GLRB: variants seen among roughly 807,000 people sequenced by gnomAD.
The protein encoded by GLRB is glycine receptor beta.
In GLRB, 33 loss-of-function variants were observed where a neutral mutation model predicts 54.2. That is an observed-to-expected ratio of 0.61 (90% CI 0.46 to 0.81). The LOEUF (loss-of-function observed/expected upper bound fraction) is 0.81. Among genes scored for constraint, GLRB ranks in the 40% least tolerant of loss-of-function variants. The pLI is 0.00. For missense variants in GLRB, 572 were observed against 584.6 expected (o/e 0.98, Z 0.22); for synonymous variants, 209 against 208.2 (o/e 1.00, Z -0.03).
At chr4:157,120,343 C>G (rs1204785910) in intron 2 of GLRB, among the ~76,000 whole-genome samples, 3 of 150,200 alleles carry the variant, frequency 2.0e-5, no homozygotes, top group African/African-American at 7.3e-5. Context: ...TGTAACTAAC[C>G]TGCACATTGT....
intron 1 of GLRB, among the ~76,000 whole-genome samples, chr4:157,077,376 CT>C (rs1341651378): frequency 2.6e-5 from 4 of 151,922 alleles, no homozygotes; most frequent in African/African-American, 9.7e-5. Context: ...TAAGAGGCAC[CT>C]TTTTGGGGCA....
chr4:157,081,715 ACTC>A (rs1010023557), intron 2 of GLRB, among the ~76,000 whole-genome samples: 8 of 151,486 alleles, frequency 5.3e-5, no homozygotes, highest in Non-Finnish European at 8.8e-5. Flanking sequence ...CTCTTCATTG[ACTC>A]CTTTTCAGTT....
At chr4:157,080,907 C>T (rs1734197046) in intron 2 of GLRB, among the ~76,000 whole-genome samples, 1 of 151,982 alleles carries the variant, frequency 6.6e-6, no homozygotes, top group South Asian at 2.1e-4. Flanking sequence ...AACATTTCCC[C>T]TCAAGACTGT....
chr4:157,098,714 C>T (rs1734904492), intron 2 of GLRB, among the ~76,000 whole-genome samples: 2 of 151,830 alleles, frequency 1.3e-5, no homozygotes, highest in Admixed American at 1.3e-4. Context: ...CAAGCAATTC[C>T]CCTGCCTCAG....
rs1801154 is a variant in GLRB, at chr4:157,152,761, T to C, written c.948T>C (p.Leu316=). Residue 316 remains leucine, a synonymous_variant, in exon 9 of 10, where the codon CTT becomes CTC. Coordinates refer to ENST00000264428, the MANE Select transcript of GLRB (RefSeq NM_000824.5). Reference sequence around the variant, plus strand: ...GCTTGGCCTCTGAGTGCACAACCCTTGCCGCTGAGCTTCCCAAAGTTTCCT... The same window carrying C: ...GCTTGGCCTCTGAGTGCACAACCCTCGCCGCTGAGCTTCCCAAAGTTTCCT... The part of the protein sequence containing the change: ...VLSLASECTT[L]AAELPKVSYV... 0.043 allele frequency: 70,148 copies of C among 1,613,524 alleles called. 1,814 individuals carry two copies. Among genetic ancestry groups the C allele is most frequent in the South Asian group, 0.076 (6,954 of 91,058 alleles).
intron 2 of GLRB, among the ~76,000 whole-genome samples, chr4:157,118,794 C>T (rs1411652148): frequency 1.3e-5 from 2 of 151,416 alleles, no homozygotes; most frequent in Non-Finnish European, 3.0e-5. Flanking sequence ...CAAAGCCAAG[C>T]CTGTTGCATC....
chr4:157,140,758 C>T (rs1323019455), intron 7 of GLRB, among the ~76,000 whole-genome samples: 3 of 151,898 alleles, frequency 2.0e-5, no homozygotes, highest in Non-Finnish European at 4.4e-5. Flanking sequence ...TTGTTACCCA[C>T]ATCCAGATTA....
At chr4:157,147,973 A>G (rs1198380756) in intron 8 of GLRB, among the ~76,000 whole-genome samples, 1 of 152,230 alleles carries the variant, frequency 6.6e-6, no homozygotes, top group African/African-American at 2.4e-5. Flanking sequence ...TATAAAATAG[A>G]TGGGTCAGAT....
At chr4:157,080,093 A>C (rs1197569018) in intron 2 of GLRB, among the ~76,000 whole-genome samples, 1 of 152,120 alleles carries the variant, frequency 6.6e-6, no homozygotes, top group South Asian at 2.1e-4. Context: ...TCTTTTCACA[A>C]CTACATTATT....
intron 2 of GLRB, among the ~76,000 whole-genome samples, chr4:157,108,756 A>G (rs1735311829): frequency 6.6e-6 from 1 of 152,098 alleles, no homozygotes. Flanking sequence ...ATTCACTCCA[A>G]TTTTGAAAGA....
chr4:157,134,830 G>T (rs1056098991), intron 4 of GLRB, among the ~76,000 whole-genome samples: 5 of 152,106 alleles, frequency 3.3e-5, no homozygotes, highest in Non-Finnish European at 7.4e-5. Context: ...AATGGTAATT[G>T]CACCAGGATA....
At position 157,143,836 on chromosome 4, in the gene GLRB, A is replaced by G. The variant is rs1736704227; in HGVS notation, c.781A>G (p.Thr261Ala). 1 of 1,613,604 alleles carries G rather than the reference A, an allele frequency of 6.2e-7. No individual in the cohort carries two copies. Among genetic ancestry groups the G allele is most frequent in the Non-Finnish European group, 8.5e-7 (1 of 1,179,994 alleles). The change falls in exon 8 of 10, where the codon ACC becomes GCC. Residue 261 changes from threonine (T) to alanine (A), a missense_variant. Thr to Ala is a moderately conservative substitution (Grantham distance 58). Transcript: ENST00000264428. The part of the protein sequence containing the change: ...GYYTCVEVIF[T>A]LRRQVGFYMM... ...CTACACATGCGTGGAAGTCATCTTC[A>G]CCCTGAGGAGGCAGGTCGGCTTTTA...
rs544131483 is a variant in GLRB at position 157,120,740 on chromosome 4, A to T, written c.229+78A>T. On this transcript the variant is annotated intron_variant, in intron 3 of 9. Coordinates refer to ENST00000264428, the MANE Select transcript of GLRB (RefSeq NM_000824.5). ...TATGTTTAGAGATTTGTGATATTTT[A>T]TATGTATATGCTTTGTGATATTCAA... The T allele has an allele frequency of 1.8e-4, 126 of 714,932 alleles. No homozygotes were observed. The Middle Eastern group carries it at 4.3e-3, about 25-fold the overall frequency. 44.3% of individuals were successfully genotyped at this position (714,932 alleles called of 1,614,324 possible). A position where few individuals can be genotyped will look rare whatever the true frequency, so the allele number is the denominator to read the frequency against.
intron 9 of GLRB, among the ~76,000 whole-genome samples, chr4:157,162,783 A>G (rs566721002): frequency 2.0e-5 from 3 of 152,336 alleles, no homozygotes; most frequent in African/African-American, 7.2e-5. Context: ...CTCAGGAGTC[A>G]GGGACCCACT....
In GLRB at chr4:157,171,921, T is replaced by C. The variant is rs1737937173; in HGVS notation, c.*1193T>C. The C allele has an allele frequency of 6.6e-6, 1 of 151,832 alleles. No homozygotes were observed. The highest frequency in any genetic ancestry group is 2.4e-5 in the African/African-American group (1 of 41,434). The allele number at this position is 151,832 out of a possible 1,614,324, so 9.4% of individuals were successfully genotyped here. On this transcript the variant is annotated 3_prime_UTR_variant, in exon 10 of 10. Coordinates refer to ENST00000264428, the MANE Select transcript of GLRB (RefSeq NM_000824.5). ...TTTATGAGACCACCATTTCTTAATA[T>C]CACATCCAGTGCACCTTTGTCTTTC... is the stretch of plus-strand genomic sequence containing the variant.
chr4:157,137,962 T>C (rs1047373254), intron 6 of GLRB, among the ~76,000 whole-genome samples: 1 of 152,224 alleles, frequency 6.6e-6, no homozygotes, highest in African/African-American at 2.4e-5. Context: ...AAAATGTGTG[T>C]GCTTCAGGGT....
Position 157,162,380 on chromosome 4 carries a change from C to T in GLRB, c.1198-8052C>T, listed in dbSNP as rs190980187. Among the ~76,000 whole-genome samples, 19 of 152,280 alleles carry T rather than the reference C, an allele frequency of 1.2e-4. No individual in the cohort carries two copies. The East Asian group carries it at 2.3e-3, about 19-fold the overall frequency. On this transcript the variant is annotated intron_variant, in intron 9 of 9. Coordinates refer to ENST00000264428, the MANE Select transcript of GLRB (RefSeq NM_000824.5). The stretch of plus-strand genomic sequence containing the variant: ...CCATCCAGCTTTGTTCCGTTGCTGG[C>T]GAGGAGCTGCATTTCTTTGGAGGAG...
intron 2 of GLRB, among the ~76,000 whole-genome samples, chr4:157,114,224 A>T (rs1259997932): frequency 6.6e-6 from 1 of 151,750 alleles, no homozygotes; most frequent in Non-Finnish European, 1.5e-5. Flanking sequence ...TCAAGGTTTC[A>T]CTTCCATGTG....
At chr4:157,116,934 T>C (rs1359330246) in intron 2 of GLRB, among the ~76,000 whole-genome samples, 1 of 151,712 alleles carries the variant, frequency 6.6e-6, no homozygotes, top group Non-Finnish European at 1.5e-5. Context: ...CCATATGATA[T>C]TTGGTATATT....
Sources: allele counts gnomAD v4.1 joint callset (sites outside exome capture counted in the v4.1 genomes callset), GRCh38; gene constraint gnomAD v4.1.1; transcripts MANE v1.5; gene names NCBI Gene and HGNC (gene_info 2026-07-23, HGNC 2026-07-21).